The following PHC2 variants were observed in gnomAD, a reference collection of about 807,000 sequenced individuals.
The protein encoded by PHC2 is polyhomeotic-like protein 2.
A neutral mutation model predicts 87.4 loss-of-function variants in PHC2; 29 were observed. That is an observed-to-expected ratio of 0.33 (90% CI 0.25 to 0.45). The LOEUF is 0.45. Ranked by LOEUF, PHC2 falls within the 20% of genes least tolerant of loss-of-function variation. The pLI, the probability that PHC2 is intolerant of heterozygous loss-of-function variation, is 1.00. For synonymous variants in PHC2, 438 were observed against 461.7 expected (o/e 0.95, Z 0.66); for missense variants, 857 against 1,136.7 (o/e 0.75, Z 3.54).
At chr1:33,346,452 C>CG in intron 9 of PHC2, 7 of 984,078 alleles carry the variant, frequency 7.1e-6, no homozygotes, top group Non-Finnish European at 8.4e-6. Flanking sequence ...TCCCTACTCT[C>CG]GTCTCCAGTA....
intron 1 of PHC2, among the ~76,000 whole-genome samples, chr1:33,426,209 G>A (rs1380223335): frequency 1.3e-5 from 2 of 152,152 alleles, no homozygotes; most frequent in African/African-American, 4.8e-5. Flanking sequence ...AGAAGTTTCT[G>A]TTTTTCATGA....
intron 1 of PHC2, among the ~76,000 whole-genome samples, chr1:33,425,695 A>C (rs895692820): frequency 3.3e-5 from 5 of 152,366 alleles, no homozygotes; most frequent in Non-Finnish European, 4.4e-5. Context: ...GTAATTTGTT[A>C]CACAGCAGTG....
chr1:33,340,559 A>G (rs1646724296), intron 9 of PHC2, among the ~76,000 whole-genome samples: 1 of 152,228 alleles, frequency 6.6e-6, no homozygotes, highest in South Asian at 2.1e-4. Context: ...CCCAGTCCTC[A>G]TGGAAAGATC....
intron 1 of PHC2, among the ~76,000 whole-genome samples, chr1:33,427,265 C>T (rs757500374): frequency 3.9e-5 from 6 of 152,144 alleles, no homozygotes; most frequent in Admixed American, 1.3e-4. Flanking sequence ...ACTCAATAAA[C>T]GACAGCTACA....
intron 1 of PHC2, among the ~76,000 whole-genome samples, chr1:33,396,617 G>A (rs1649305065): frequency 6.6e-6 from 1 of 152,176 alleles, no homozygotes; most frequent in African/African-American, 2.4e-5. Flanking sequence ...CTTTCAGAAG[G>A]TAAATGAAAA....
At chr1:33,336,473 T>A (rs745890428) in intron 9 of PHC2, 2 of 152,216 alleles carry the variant, frequency 1.3e-5, no homozygotes, top group African/African-American at 2.4e-5. Flanking sequence ...TTTTGTTTGT[T>A]TGAGACACAG....
intron 1 of PHC2, among the ~76,000 whole-genome samples, chr1:33,415,573 A>C (rs1250263280): frequency 6.6e-6 from 1 of 152,240 alleles, no homozygotes; most frequent in Non-Finnish European, 1.5e-5. Flanking sequence ...ATGAAATTTA[A>C]TCATCAAGAA....
chr1:33,348,198 A>G (rs1291573060), intron 9 of PHC2, among the ~76,000 whole-genome samples: 6 of 152,212 alleles, frequency 3.9e-5, no homozygotes, highest in Admixed American at 3.9e-4. Flanking sequence ...AAACGATGGG[A>G]AGCCCTACAT....
In PHC2 at chr1:33,324,769, C is replaced by T; in HGVS notation, c.*96G>A. 1 of 1,390,852 alleles carries T rather than the reference C, an allele frequency of 7.2e-7. No homozygotes were observed. Among genetic ancestry groups the T allele is most frequent in the Non-Finnish European group, 9.7e-7 (1 of 1,033,964 alleles). 86.2% of individuals were successfully genotyped at this position (1,390,852 alleles called of 1,614,324 possible). ...GCCCCTAGGGAGAGCCCCTGCCCTC[C>T]AACCGGCCCCATTTCTGGGCCCCTC... On this transcript the variant is annotated 3_prime_UTR_variant, in exon 15 of 15. Coordinates refer to ENST00000683057, the MANE Select transcript of PHC2 (RefSeq NM_001385109.1).
In PHC2 at chr1:33,369,477, A is replaced by G. The variant is rs1320984317; in HGVS notation, c.577-855T>C. The stretch of plus-strand genomic sequence containing the variant: ...GACACAGTCAGCTTTGGGCAGCAGC[A>G]TCACAGTGTGGCTGTCCAGTTCCCG... On this transcript the variant is annotated intron_variant, in intron 5 of 14. Transcript: ENST00000683057. This position sits in a 1 kb window ranked among gnomAD's most constrained non-coding sequence, Gnocchi z 4.7. Among the ~76,000 whole-genome samples the G allele has an allele frequency of 2.6e-5, 4 of 152,232 alleles. No homozygotes were observed. Among genetic ancestry groups the G allele is most frequent in the African/African-American group, 7.2e-5 (3 of 41,458 alleles).
chr1:33,393,800 AC>A (rs1480778601), intron 1 of PHC2, among the ~76,000 whole-genome samples: 1 of 25,708 alleles, frequency 3.9e-5, no homozygotes, highest in Non-Finnish European at 7.4e-5. Flanking sequence ...AGCCCACATC[AC>A]CATCAGGAAT....
At chr1:33,326,262 A>T (rs1646368591) in intron 14 of PHC2, 1 of 178,864 alleles carries the variant, frequency 5.6e-6, no homozygotes, top group Admixed American at 5.9e-5. Flanking sequence ...TCCAGATGGC[A>T]CATGATGCTA....
At chr1:33,354,013 A>G (rs1446706619) in intron 9 of PHC2, among the ~76,000 whole-genome samples, 2 of 152,162 alleles carry the variant, frequency 1.3e-5, no homozygotes, top group Non-Finnish European at 2.9e-5. Flanking sequence ...GAGATGTGGT[A>G]GCCGTTTTGC....
intron 7 of PHC2, among the ~76,000 whole-genome samples, chr1:33,357,667 C>A (rs570544781): frequency 1.3e-5 from 2 of 152,276 alleles, no homozygotes; most frequent in South Asian, 4.1e-4. Flanking sequence ...CCAATCTAAG[C>A]TGTGTCTCCT....
At position 33,371,075 on chromosome 1, in the gene PHC2, C is replaced by G. The variant is rs1202143045; in HGVS notation, c.353G>C (p.Arg118Thr). The G allele has an allele frequency of 6.2e-7, 1 of 1,614,080 alleles. No homozygotes were observed. Among genetic ancestry groups the G allele is most frequent in the Non-Finnish European group, 8.5e-7 (1 of 1,179,972 alleles). The change falls in exon 4 of 15, where the codon AGA becomes ACA. Residue 118 changes from arginine (R) to threonine (T), a missense_variant. Transcript: ENST00000683057. ...AVQQASLVSN[R>T]QGSTSGSNVS... ...ATTGCTGCCTGAAGTGCTTCCTTGT[C>G]TATTGGATACCAGGCTTGCCTAGGA...
chr1:33,342,996 G>A (rs1235132994), intron 9 of PHC2, among the ~76,000 whole-genome samples: 1 of 152,192 alleles, frequency 6.6e-6, no homozygotes, highest in Non-Finnish European at 1.5e-5. Context: ...TCAAAGGTGT[G>A]TGGCTTCAAG....
rs925488918 is a variant in PHC2 at position 33,382,239 on chromosome 1, C to T, written c.-54-6646G>A. Among the ~76,000 whole-genome samples the T allele has an allele frequency of 1.3e-5, 2 of 152,126 alleles. No homozygotes were observed. The highest frequency in any genetic ancestry group is 4.8e-5 in the African/African-American group (2 of 41,420). On this transcript the variant is annotated intron_variant, in intron 1 of 14. Coordinates refer to ENST00000683057, the MANE Select transcript of PHC2 (RefSeq NM_001385109.1). This position sits in a 1 kb window ranked among gnomAD's most constrained non-coding sequence, Gnocchi z 4.3. ...TCCCCCTTCACACCTTCCTTCCGCT[C>T]AAAGTTCTGGCTGCTGGAGAGTAGC...
chr1:33,364,412 A>ACG lies in PHC2; in HGVS notation c.976+2703_976+2704insCG, dbSNP rs1553186442. 6.0e-4 allele frequency among the ~76,000 whole-genome samples: 84 copies of ACG among 139,514 alleles called. No individual in the cohort carries two copies. Among genetic ancestry groups the ACG allele is most frequent in the African/African-American group, 1.9e-3 (74 of 39,570 alleles). 91.5% of individuals were successfully genotyped at this position (139,514 alleles called of 152,430 possible). A position where few individuals can be genotyped will look rare whatever the true frequency, so the allele number is the denominator to read the frequency against. ...CTTTCACACACACACACACACACAC[A>ACG]CACACACACACACGCTCAAGCACGC... On this transcript the variant is annotated intron_variant, in intron 7 of 14. Transcript: ENST00000683057. The surrounding 1 kb of genome is among the most constrained non-coding windows in gnomAD (Gnocchi z 4.1).
chr1:33,361,997 G>A (rs1647204975), intron 7 of PHC2, among the ~76,000 whole-genome samples: 2 of 152,200 alleles, frequency 1.3e-5, no homozygotes, highest in Non-Finnish European at 2.9e-5. Flanking sequence ...ACTAATAGGT[G>A]ATGAAACTGG....
Sources: allele counts gnomAD v4.1 joint callset (sites outside exome capture counted in the v4.1 genomes callset), GRCh38; gene constraint gnomAD v4.1.1; non-coding constraint Gnocchi (gnomAD v3.1); transcripts MANE v1.5; gene names NCBI Gene and HGNC (gene_info 2026-07-23, HGNC 2026-07-21).